Variants in HERC4 observed in about 807,000 individuals in gnomAD.
The protein encoded by HERC4 is probable E3 ubiquitin-protein ligase HERC4.
HERC4 carries 28 observed loss-of-function variants against 124.3 expected under a neutral mutation model. The observed-to-expected ratio is 0.23, with a 90% CI of 0.17 to 0.31. The LOEUF (loss-of-function observed/expected upper bound fraction) is 0.31. Among genes scored for constraint, HERC4 ranks in the 10% least tolerant of loss-of-function variants. HERC4 has a pLI of 1.00. For missense variants in HERC4, 713 were observed against 1,229.3 expected, an observed-to-expected ratio of 0.58 and a Z score of 6.28; for synonymous variants, 407 against 421.5, an observed-to-expected ratio of 0.97 and a Z score of 0.42.
At chr10:67,923,413 T>G (rs2030459094) in intron 24 of HERC4, among the ~76,000 whole-genome samples, 1 of 152,204 alleles carries the variant, frequency 6.6e-6, no homozygotes. Flanking sequence ...TGCCAAAACA[T>G]TTTGAGAGCC....
intron 22 of HERC4, among the ~76,000 whole-genome samples, chr10:67,935,370 G>T (rs986147408): frequency 6.6e-6 from 1 of 151,996 alleles, no homozygotes; most frequent in African/African-American, 2.4e-5. Context: ...TGGTCTCGTT[G>T]TCGTGACCTC....
At chr10:68,042,801 T>TA (rs2039837379) in intron 4 of HERC4, among the ~76,000 whole-genome samples, 1 of 152,044 alleles carries the variant, frequency 6.6e-6, no homozygotes, top group South Asian at 2.1e-4. Context: ...CTTCCTTTTA[T>TA]AAAAAAACAT....
intron 3 of HERC4, chr10:68,067,994 A>G (rs1310153260): frequency 2.0e-5 from 3 of 152,006 alleles, no homozygotes. Flanking sequence ...TACAAGGGGG[A>G]AGACAATAAA....
rs891278641 is a variant in HERC4, at chr10:67,991,160, A to G, written c.1311T>C (p.Asn437=). 2 of 1,535,230 alleles carry G rather than the reference A, an allele frequency of 1.3e-6. No homozygotes were observed. Among genetic ancestry groups the G allele is most frequent in the Non-Finnish European group, 1.8e-6 (2 of 1,139,994 alleles). ...CTTACCTAACAGCTAAAAAACTTCC[A>G]TTTAGGCAACCAGAGGAAGAAAACG... ...DGTFSSSGCL[N]GSFLAVSNDD... The change falls in exon 12 of 25, where the codon AAT becomes AAC. Residue 437 remains asparagine (N), a synonymous_variant. Coordinates refer to ENST00000373700, the MANE Select transcript of HERC4 (RefSeq NM_015601.4).
rs2036812181 is a variant in HERC4 at position 67,995,410 on chromosome 10, CAATT to C, written c.1070-2732_1070-2729del. 7.0e-5 allele frequency: 17 copies of C among 243,562 alleles called. 1 individual carries two copies. In the South Asian group the frequency reaches 7.6e-4, roughly 11 times the overall value. The allele number at this position is 243,562 out of a possible 1,614,324, so 15.1% of individuals were successfully genotyped here. On this transcript the variant is annotated intron_variant, in intron 9 of 24. Coordinates refer to ENST00000373700, the MANE Select transcript of HERC4 (RefSeq NM_015601.4). ...GAGAGGATTAATGCTTGATCTATTACAATTATTTACTGTCCTCTTGCTTTTCAAA... is the reference window on the plus strand; with the variant it reads ...GAGAGGATTAATGCTTGATCTATTACATTTACTGTCCTCTTGCTTTTCAAA...
chr10:67,978,710 G>A (rs752932531), intron 15 of HERC4, among the ~76,000 whole-genome samples: 1 of 152,216 alleles, frequency 6.6e-6, no homozygotes, highest in Admixed American at 6.5e-5. Context: ...TGTAGTCCCA[G>A]TGGTGGTAGC....
rs181838232 is a variant in HERC4 at position 68,019,805 on chromosome 10, C to G, written c.909-5619G>C. On this transcript the variant is annotated intron_variant, in intron 8 of 24. Transcript: ENST00000373700. ...TTGTAGAAGCCAGGGTGGGCAATAA[C>G]GACTTTGTCTGTTTTAGGAACTGGT... Among the ~76,000 whole-genome samples the G allele has an allele frequency of 3.4e-3, 516 of 152,274 alleles. 1 individual carries two copies. The highest frequency in any genetic ancestry group is 0.017 in the Middle Eastern group (5 of 294).
chr10:68,048,983 G>A (rs929474393), intron 3 of HERC4, among the ~76,000 whole-genome samples: 3 of 152,134 alleles, frequency 2.0e-5, no homozygotes, highest in African/African-American at 7.2e-5. Flanking sequence ...CCTCTATGAA[G>A]AGAAATGTGG....
In HERC4 at chr10:67,956,901, T is replaced by C; in HGVS notation, c.2002A>G (p.Thr668Ala). The C allele has an allele frequency of 6.3e-7, 1 of 1,596,258 alleles. No individual in the cohort carries two copies. The highest frequency in any genetic ancestry group is 8.5e-7 in the Non-Finnish European group (1 of 1,172,434). ...DAQAKTTLLQ[T>A]DAVLQMQMAI... ...ACCTGCATCTGTAAGACTGCATCGG[T>C]CTGTAACAGAGTAGTTTTTGCTTGG... The change falls in exon 17 of 25, where the codon ACC (threonine) becomes GCC (alanine). Residue 668 changes from threonine to alanine, a missense_variant. Physicochemically the swap from Thr to Ala is moderately conservative, Grantham distance 58 (BLOSUM62 0). Transcript: ENST00000373700.
rs1204816378 is a variant in HERC4, at chr10:67,970,621, A to C, written c.1807-3819T>G. Among the ~76,000 whole-genome samples the C allele has an allele frequency of 3.9e-5, 6 of 151,940 alleles. No individual in the cohort carries two copies. In the East Asian group the frequency reaches 1.2e-3, roughly 29 times the overall value. On this transcript the variant is annotated intron_variant, in intron 15 of 24. Transcript: ENST00000373700. ...AAAAAAAAAAATCAACAAACAAAAC[A>C]AAACAAAAAAGTGTCTAGAGACAAA... is the stretch of plus-strand genomic sequence containing the variant.
At chr10:67,965,308 A>G (rs2132433422) in intron 16 of HERC4, 1 of 152,284 alleles carries the variant, frequency 6.6e-6, no homozygotes, top group South Asian at 2.1e-4. Context: ...TTGTTTGACT[A>G]TTGCCAATCT....
intron 19 of HERC4, among the ~76,000 whole-genome samples, chr10:67,943,419 T>C (rs2132163533): frequency 6.6e-6 from 1 of 152,318 alleles, no homozygotes; most frequent in East Asian, 1.9e-4. Context: ...GTAACTGAAT[T>C]GGTAAAGCAG....
intron 3 of HERC4, among the ~76,000 whole-genome samples, chr10:68,066,631 A>G (rs2041316468): frequency 6.6e-6 from 1 of 152,254 alleles, no homozygotes; most frequent in African/African-American, 2.4e-5. Flanking sequence ...CGGACTTTAT[A>G]CAACATAACT....
chr10:67,982,799 G>C (rs2036010070), intron 15 of HERC4, among the ~76,000 whole-genome samples: 1 of 152,074 alleles, frequency 6.6e-6, no homozygotes, highest in African/African-American at 2.4e-5. Flanking sequence ...GGGCAAAAGA[G>C]CTGAATAGAC....
intron 19 of HERC4, 38 bp downstream of exon 19, chr10:67,954,557 A>G (rs61305061): frequency 0.028 from 44,674 of 1,577,484 alleles, 2,526 homozygotes; most frequent in African/African-American, 0.24. Context: ...ATACATGGGT[A>G]TATACACAGA....
Position 67,941,074 on chromosome 10 carries a change from A to G in HERC4, c.2369T>C (p.Ile790Thr), listed in dbSNP as rs1452351014. The G allele has an allele frequency of 1.3e-6, 2 of 1,597,840 alleles. No homozygotes were observed. The highest frequency in any genetic ancestry group is 1.8e-5 in the Admixed American group (1 of 56,754). Residue 790 changes from isoleucine to threonine, a missense_variant, in exon 20 of 25, where the codon ATT becomes ACT. By Grantham distance (89) the Ile-to-Thr change is moderately conservative (BLOSUM62 -1). Transcript: ENST00000373700. ...TFEDSDLFHL[I>T]GVICGLAIYN... The stretch of plus-strand genomic sequence containing the variant: ...AATTGCTAAGCCACAGATAACACCA[A>G]TCAAATGGAACAAATCACTGTCTTC...
intron 16 of HERC4, 43 bp downstream of exon 16, chr10:67,966,640 C>T (rs772098391): frequency 1.9e-6 from 3 of 1,572,516 alleles, no homozygotes; most frequent in African/African-American, 2.7e-5. Flanking sequence ...TTATTAGATA[C>T]ATATACATAA....
At chr10:68,039,471 A>G (rs1045700585) in intron 4 of HERC4, 5 of 1,550,842 alleles carry the variant, frequency 3.2e-6, no homozygotes, top group South Asian at 1.2e-5. Context: ...GTCGACACAC[A>G]TGATTTTCGG....
In HERC4 at chr10:67,941,168, T is replaced by A. The variant is rs1293792258; in HGVS notation, c.2338-63A>T. The A allele has an allele frequency of 3.5e-6, 4 of 1,138,816 alleles. No homozygotes were observed. In the East Asian group the frequency reaches 1.1e-4, roughly 31 times the overall value. The allele number at this position is 1,138,816 out of a possible 1,614,324, so 70.5% of individuals were successfully genotyped here. On this transcript the variant is annotated intron_variant, in intron 19 of 24. Coordinates refer to ENST00000373700, the MANE Select transcript of HERC4 (RefSeq NM_015601.4). The stretch of plus-strand genomic sequence containing the variant: ...GTTAAAATATTAAATTTTCTAAGAT[T>A]ACATAAATATGCTCATATACAATTT...
Sources: allele counts gnomAD v4.1 joint callset (sites outside exome capture counted in the v4.1 genomes callset), GRCh38; gene constraint gnomAD v4.1.1; transcripts MANE v1.5; gene names NCBI Gene and HGNC (gene_info 2026-07-23, HGNC 2026-07-21).